Variants in CDIN1 observed in about 807,000 individuals in gnomAD.
The protein encoded by CDIN1 is CDAN1 interacting nuclease 1.
CDIN1 carries 33 observed loss-of-function variants against 45.3 expected under a neutral mutation model. That is an observed-to-expected ratio of 0.73 (90% confidence interval 0.55 to 0.97). CDIN1 has a LOEUF of 0.97. Among genes scored for constraint, CDIN1 ranks in the 50% least tolerant of loss-of-function variants. CDIN1 has a pLI of 0.00. For missense variants in CDIN1, 303 were observed against 339.4 expected (o/e 0.89, Z 0.84); for synonymous variants, 118 against 124.4 (o/e 0.95, Z 0.34).
intron 10 of CDIN1, among the ~76,000 whole-genome samples, chr15:36,711,437 G>A (rs1208406888): frequency 1.3e-5 from 2 of 152,068 alleles, no homozygotes; most frequent in Admixed American, 1.3e-4. Flanking sequence ...AATACCTACT[G>A]TGTACTTAAC....
intron 1 of CDIN1, among the ~76,000 whole-genome samples, chr15:36,586,472 C>T (rs964048097): frequency 3.3e-5 from 5 of 152,158 alleles, no homozygotes; most frequent in East Asian, 1.9e-4. Context: ...AATTAGCCCA[C>T]GATTTTCATT....
intron 5 of CDIN1, among the ~76,000 whole-genome samples, chr15:36,671,178 C>T (rs2041436253): frequency 6.6e-6 from 1 of 152,120 alleles, no homozygotes; most frequent in Admixed American, 6.5e-5. Context: ...CCTTCCAGTG[C>T]AGCCACACAG....
chr15:36,608,375 A>T (rs2038480382), intron 1 of CDIN1, among the ~76,000 whole-genome samples: 1 of 152,152 alleles, frequency 6.6e-6, no homozygotes, highest in African/African-American at 2.4e-5. Context: ...GGTGGGTATG[A>T]AGTGGTATCT....
At chr15:36,792,618 T>C (rs1444053562) in intron 10 of CDIN1, among the ~76,000 whole-genome samples, 4 of 149,694 alleles carry the variant, frequency 2.7e-5, no homozygotes, top group Admixed American at 6.7e-5. Context: ...GGGGGGAGGG[T>C]GGATTTGTTT....
intron 10 of CDIN1, among the ~76,000 whole-genome samples, chr15:36,763,623 G>T (rs1279565096): frequency 6.6e-6 from 1 of 152,150 alleles, no homozygotes; most frequent in Admixed American, 6.5e-5. Context: ...GTTGTGGTGA[G>T]AAACCACACC....
chr15:36,808,943 C>G lies in CDIN1; in HGVS notation c.*490C>G, dbSNP rs1051471805. On this transcript the variant is annotated 3_prime_UTR_variant, in exon 11 of 11. Transcript: ENST00000566621. ...ATTACCATCGTGGAATAATCTAGCG[C>G]AAACCTAGGAAAGCTGAAGCCACAA... The G allele has an allele frequency of 6.6e-6, 3 of 455,836 alleles. No individual in the cohort carries two copies. The highest frequency in any genetic ancestry group is 4.0e-5 in the African/African-American group (2 of 50,010). The allele number at this position is 455,836 out of a possible 1,614,324, so 28.2% of individuals were successfully genotyped here. A position where few individuals can be genotyped will look rare whatever the true frequency, so the allele number is the denominator to read the frequency against.
At chr15:36,690,207 A>G (rs538046040) in intron 5 of CDIN1, among the ~76,000 whole-genome samples, 4 of 152,262 alleles carry the variant, frequency 2.6e-5, no homozygotes, top group East Asian at 1.9e-4. Context: ...TGCAGACCCA[A>G]TACTATTTTT....
At position 36,657,920 on chromosome 15, in the gene CDIN1, T is replaced by C. The variant is rs1448840133; in HGVS notation, c.346+15T>C. On this transcript the variant is annotated intron_variant, in intron 5 of 10. Coordinates refer to ENST00000566621, the MANE Select transcript of CDIN1 (RefSeq NM_001321759.2). ...GGAAACTCCACGTGAGTTACCCTTT[T>C]TTCCTAATGGTACTCTTTTACTCCC... 7 of 1,597,012 alleles carry C rather than the reference T, an allele frequency of 4.4e-6. No individual in the cohort carries two copies. Among genetic ancestry groups the C allele is most frequent in the Non-Finnish European group, 5.1e-6 (6 of 1,167,760 alleles).
At chr15:36,731,457 T>C (rs1343318155) in intron 10 of CDIN1, among the ~76,000 whole-genome samples, 4 of 152,166 alleles carry the variant, frequency 2.6e-5, no homozygotes, top group African/African-American at 9.6e-5. Context: ...GCATCACCGA[T>C]CTTTTTGAAG....
At chr15:36,754,246 G>T (rs1367977827) in intron 10 of CDIN1, among the ~76,000 whole-genome samples, 1 of 152,032 alleles carries the variant, frequency 6.6e-6, no homozygotes, top group Non-Finnish European at 1.5e-5. Context: ...AATAGACAGG[G>T]CTTATCATTG....
intron 10 of CDIN1, among the ~76,000 whole-genome samples, chr15:36,803,762 C>T (rs1232818617): frequency 6.6e-6 from 1 of 152,160 alleles, no homozygotes; most frequent in East Asian, 1.9e-4. Flanking sequence ...TGTTAGTGAA[C>T]CTTGACTGTT....
chr15:36,767,095 C>T (rs1261567140), intron 10 of CDIN1, among the ~76,000 whole-genome samples: 5 of 151,912 alleles, frequency 3.3e-5, no homozygotes, highest in Admixed American at 1.3e-4. Flanking sequence ...TAATTCACTT[C>T]GAGTTGATTT....
chr15:36,594,654 T>C (rs1273375836), intron 1 of CDIN1, among the ~76,000 whole-genome samples: 3 of 152,158 alleles, frequency 2.0e-5, no homozygotes, highest in Non-Finnish European at 4.4e-5. Context: ...CAAGGGACTT[T>C]GAATTTTGAC....
intron 8 of CDIN1, among the ~76,000 whole-genome samples, chr15:36,701,122 G>GTAGGTAGATAGATAGATAGA (rs1221792455): frequency 9.6e-6 from 1 of 103,806 alleles, no homozygotes; most frequent in Non-Finnish European, 1.9e-5. Flanking sequence ...AGATAGGTAG[G>GTAGGTAGATAGATAGATAGA]TAGATAGATA....
intron 10 of CDIN1, among the ~76,000 whole-genome samples, chr15:36,762,799 A>G (rs983177070): frequency 2.0e-5 from 3 of 152,144 alleles, no homozygotes; most frequent in Admixed American, 2.0e-4. Context: ...AGCTTCATCC[A>G]TGTCCCTACA....
intron 5 of CDIN1, among the ~76,000 whole-genome samples, chr15:36,673,431 A>C (rs1417992203): frequency 6.6e-6 from 1 of 152,126 alleles, no homozygotes; most frequent in African/African-American, 2.4e-5. Context: ...TTTAATTAAT[A>C]AACAAATTTG....
At chr15:36,615,671 A>G (rs563331025) in intron 1 of CDIN1, among the ~76,000 whole-genome samples, 16 of 152,362 alleles carry the variant, frequency 1.1e-4, no homozygotes, top group South Asian at 6.2e-4. Context: ...AAGCAATTCT[A>G]TTGAGAGCCC....
At chr15:36,780,495 A>G (rs2054323243) in intron 10 of CDIN1, among the ~76,000 whole-genome samples, 2 of 152,236 alleles carry the variant, frequency 1.3e-5, no homozygotes, top group African/African-American at 4.8e-5. Flanking sequence ...ATAGACTACC[A>G]TATTTAGACA....
intron 10 of CDIN1, among the ~76,000 whole-genome samples, chr15:36,712,147 G>A (rs1046592315): frequency 3.3e-5 from 5 of 151,226 alleles, no homozygotes; most frequent in African/African-American, 1.2e-4. Context: ...CTTTATTCAT[G>A]TGATAAGCCT....
Sources: allele counts gnomAD v4.1 joint callset (sites outside exome capture counted in the v4.1 genomes callset), GRCh38; gene constraint gnomAD v4.1.1; transcripts MANE v1.5; gene names NCBI Gene and HGNC (gene_info 2026-07-23, HGNC 2026-07-21).